The following CDKAL1 variants were observed in gnomAD, a reference collection of about 807,000 sequenced individuals.
CDKAL1 encodes threonylcarbamoyladenosine tRNA methylthiotransferase.
In CDKAL1, 32 loss-of-function variants were observed where a neutral mutation model predicts 68.2. The observed-to-expected ratio is 0.47, with a 90% CI of 0.35 to 0.63. The LOEUF is 0.63. Among genes scored for constraint, CDKAL1 ranks in the 30% least tolerant of loss-of-function variants. The pLI is 0.00. For synonymous variants in CDKAL1, 234 were observed against 244.3 expected (o/e 0.96, Z 0.39); for missense variants, 606 against 696.7 (o/e 0.87, Z 1.47).
chr6:20,991,292 A>G (rs1766780666), intron 10 of CDKAL1, among the ~76,000 whole-genome samples: 1 of 152,176 alleles, frequency 6.6e-6, no homozygotes, highest in Non-Finnish European at 1.5e-5. Flanking sequence ...GAGTTGTTTA[A>G]TGGGTACAGA....
rs142659533 is a variant in CDKAL1 at position 20,634,977 on chromosome 6, CAA to C, written c.287-14296_287-14295del. ...GGGCAACAAGAGCAAAACCCCGTCT[CAA>C]AAAAAAAAAAAAAAAAAAAGAAGAA... On this transcript the variant is annotated intron_variant, in intron 4 of 15. Coordinates refer to ENST00000274695, the MANE Select transcript of CDKAL1 (RefSeq NM_017774.3). Among the ~76,000 whole-genome samples the C allele has an allele frequency of 5.8e-3, 580 of 99,838 alleles. 4 individuals are homozygous for C. The highest frequency in any genetic ancestry group is 0.018 in the African/African-American group (464 of 25,466). 65.5% of individuals were successfully genotyped at this position (99,838 alleles called of 152,430 possible). A position where few individuals can be genotyped will look rare whatever the true frequency, so the allele number is the denominator to read the frequency against.
intron 5 of CDKAL1, among the ~76,000 whole-genome samples, chr6:20,652,056 C>T (rs1050615591): frequency 2.6e-5 from 4 of 152,122 alleles, no homozygotes; most frequent in Non-Finnish European, 5.9e-5. Flanking sequence ...CAGGATGATG[C>T]TGGCCTCATA....
At chr6:21,108,369 T>G in intron 12 of CDKAL1, 32 bp from the exon 13 acceptor site, 1 of 1,496,858 alleles carries the variant, frequency 6.7e-7, no homozygotes, top group East Asian at 2.3e-5. Flanking sequence ...GTTTGTATGT[T>G]GGTTTTTTGT....
intron 10 of CDKAL1, among the ~76,000 whole-genome samples, chr6:20,975,971 C>T (rs1013863542): frequency 1.3e-5 from 2 of 152,054 alleles, no homozygotes; most frequent in South Asian, 2.1e-4. Context: ...ACGTACCCAC[C>T]GTTATAGTAT....
At chr6:20,773,755 C>G (rs1158959669) in intron 7 of CDKAL1, among the ~76,000 whole-genome samples, 1 of 152,076 alleles carries the variant, frequency 6.6e-6, no homozygotes, top group Non-Finnish European at 1.5e-5. Context: ...ACCGTGTTAG[C>G]CAGGATGGTC....
At chr6:20,995,176 C>G (rs771842053) in intron 10 of CDKAL1, among the ~76,000 whole-genome samples, 4 of 152,298 alleles carry the variant, frequency 2.6e-5, no homozygotes, top group Non-Finnish European at 4.4e-5. Context: ...TCCACCACAT[C>G]TGCACTTACT....
At chr6:20,672,195 T>C (rs1769851543) in intron 5 of CDKAL1, among the ~76,000 whole-genome samples, 1 of 151,390 alleles carries the variant, frequency 6.6e-6, no homozygotes, top group African/African-American at 2.4e-5. Flanking sequence ...TCTCTCTCTC[T>C]TTCTTTCCTT....
intron 9 of CDKAL1, among the ~76,000 whole-genome samples, chr6:20,909,171 A>G (rs761296997): frequency 3.4e-5 from 5 of 146,446 alleles, no homozygotes; most frequent in African/African-American, 5.1e-5. Flanking sequence ...ATGTATCTAT[A>G]TATGTGTGCA....
chr6:20,539,778 GA>G lies in CDKAL1; in HGVS notation c.-6+4386del, dbSNP rs1181719052. Among the ~76,000 whole-genome samples, 1 of 152,148 alleles carries G rather than the reference GA, an allele frequency of 6.6e-6. No individual in the cohort carries two copies. The highest frequency in any genetic ancestry group is 1.5e-5 in the Non-Finnish European group (1 of 68,026). Reference sequence around the variant, plus strand: ...TTTACTCTGATATGGAATACCACTGGAAGGGTTTGATTGAGAAGCTTGAGAT... The same window carrying G: ...TTTACTCTGATATGGAATACCACTGGAGGGTTTGATTGAGAAGCTTGAGAT... On this transcript the variant is annotated intron_variant, in intron 2 of 15. Transcript: ENST00000274695. This position sits in a 1 kb window ranked among gnomAD's most constrained non-coding sequence, Gnocchi z 4.3.
intron 9 of CDKAL1, among the ~76,000 whole-genome samples, chr6:20,882,173 A>G (rs1392077843): frequency 6.6e-6 from 1 of 152,190 alleles, no homozygotes; most frequent in African/African-American, 2.4e-5. Flanking sequence ...AAGACATGTC[A>G]TGTGAGAGGT....
chr6:21,062,300 G>C (rs1475282248), intron 11 of CDKAL1, among the ~76,000 whole-genome samples: 6 of 152,090 alleles, frequency 3.9e-5, no homozygotes, highest in Non-Finnish European at 7.4e-5. Context: ...ATTATGATCT[G>C]CTGTGATCCA....
intron 8 of CDKAL1, among the ~76,000 whole-genome samples, chr6:20,796,140 G>A (rs937381081): frequency 6.6e-6 from 1 of 151,908 alleles, no homozygotes; most frequent in Non-Finnish European, 1.5e-5. Context: ...AAAACTTCTG[G>A]AACTCATAAG....
intron 4 of CDKAL1, among the ~76,000 whole-genome samples, chr6:20,550,372 G>T (rs1028667126): frequency 2.0e-5 from 3 of 152,146 alleles, no homozygotes; most frequent in Admixed American, 6.6e-5. Flanking sequence ...GCTGCTTGTT[G>T]TTCCAATCTT....
chr6:20,811,747 C>A (rs1776826609), intron 8 of CDKAL1, among the ~76,000 whole-genome samples: 1 of 149,070 alleles, frequency 6.7e-6, no homozygotes, highest in African/African-American at 2.5e-5. Context: ...TAACTTGATC[C>A]AGCCTTTGTA....
intron 6 of CDKAL1, among the ~76,000 whole-genome samples, chr6:20,758,207 A>C (rs1269549777): frequency 6.6e-6 from 1 of 152,172 alleles, no homozygotes; most frequent in Admixed American, 6.5e-5. Context: ...TAATACTAGC[A>C]TGTTCTTTTT....
chr6:21,180,185 A>G (rs1302339640), intron 13 of CDKAL1, among the ~76,000 whole-genome samples: 1 of 152,204 alleles, frequency 6.6e-6, no homozygotes, highest in Admixed American at 6.5e-5. Context: ...TTTCATCACC[A>G]GAACAAAAGT....
intron 11 of CDKAL1, among the ~76,000 whole-genome samples, chr6:21,027,665 A>G (rs1411041475): frequency 6.6e-6 from 1 of 152,182 alleles, no homozygotes; most frequent in South Asian, 2.1e-4. Flanking sequence ...CCTCCACCAC[A>G]GGATGATACA....
intron 8 of CDKAL1, among the ~76,000 whole-genome samples, chr6:20,820,568 G>A (rs1297471321): frequency 6.6e-6 from 1 of 152,152 alleles, no homozygotes; most frequent in Non-Finnish European, 1.5e-5. Flanking sequence ...CATAGTGAAT[G>A]ACTTCTCTAT....
At chr6:20,721,921 T>C (rs1442280218) in intron 5 of CDKAL1, among the ~76,000 whole-genome samples, 4 of 151,842 alleles carry the variant, frequency 2.6e-5, no homozygotes, top group Non-Finnish European at 5.9e-5. Context: ...TTAGTAGAGA[T>C]GGGATTTCAC....
Sources: gnomAD v4.1 joint callset for allele counts (sites outside exome capture counted in the v4.1 genomes callset) on GRCh38, gnomAD v4.1.1 for gene constraint, Gnocchi (gnomAD v3.1) non-coding constraint, MANE v1.5 for transcripts, NCBI Gene and HGNC (gene_info 2026-07-23, HGNC 2026-07-21) for gene names.